ZNF678: variants seen among roughly 807,000 people sequenced by gnomAD.
ZNF678 encodes the protein zinc finger protein 678, also known as hypothetical protein MGC42493.
ZNF678 carries 5 observed loss-of-function variants against 3.0 expected under a neutral mutation model. The ratio of observed to expected loss-of-function variants is 1.69; its 90% CI spans 0.88 to 3.56. The LOEUF is 3.56. ZNF678 is among the 30% of genes most tolerant of loss of function. ZNF678 has a pLI of 0.00. For synonymous variants in ZNF678, 218 were observed against 199.6 expected (o/e 1.09, Z -0.78); for missense variants, 593 against 605.0 (o/e 0.98, Z 0.21).
At chr1:227,646,277 T>C (rs900836668) in intron 1 of ZNF678, among the ~76,000 whole-genome samples, 5 of 152,252 alleles carry the variant, frequency 3.3e-5, no homozygotes, top group Admixed American at 6.5e-5. Flanking sequence ...AATATAGCTG[T>C]CCAATATGTA....
chr1:227,670,766 CT>C (rs952350463), intron 5 of ZNF678, among the ~76,000 whole-genome samples: 1 of 152,208 alleles, frequency 6.6e-6, no homozygotes, highest in African/African-American at 2.4e-5. Flanking sequence ...CTGCCCTAGT[CT>C]TTCAGGTTCC....
intron 1 of ZNF678, among the ~76,000 whole-genome samples, chr1:227,627,444 T>C (rs1456124132): frequency 1.3e-5 from 2 of 151,866 alleles, no homozygotes; most frequent in Non-Finnish European, 2.9e-5. Context: ...CTTGCAGCTC[T>C]TTTGGCTTCA....
chr1:227,614,372 C>T (rs997050831), intron 1 of ZNF678, among the ~76,000 whole-genome samples: 40 of 152,324 alleles, frequency 2.6e-4, no homozygotes, highest in African/African-American at 8.2e-4. Context: ...TGTCTTTCCT[C>T]GTATTAAATG....
At chr1:227,625,626 G>C (rs3010187) in intron 1 of ZNF678, among the ~76,000 whole-genome samples, 80 of 152,252 alleles carry the variant, frequency 5.3e-4, no homozygotes, top group African/African-American at 1.8e-3. Flanking sequence ...GTAGGGTTTC[G>C]GGCCAAGGCT....
Position 227,656,089 on chromosome 1 carries a change from C to T in ZNF678, c.*261C>T. On this transcript the variant is annotated 3_prime_UTR_variant, in exon 4 of 4. Coordinates refer to ENST00000343776, the MANE Select transcript of ZNF678 (RefSeq NM_001367909.1). ...AGAGGATTTTACGGGGGCAAAAAAC[C>T]TCCTACAAATGTGGAAAAACATTTT... is the stretch of plus-strand genomic sequence containing the variant. 3.6e-6 allele frequency: 1 copy of T among 278,988 alleles called. No homozygotes were observed. The allele number at this position is 278,988 out of a possible 1,614,324, so 17.3% of individuals were successfully genotyped here.
At chr1:227,637,957 G>A (rs1462905228) in intron 1 of ZNF678, among the ~76,000 whole-genome samples, 2 of 152,134 alleles carry the variant, frequency 1.3e-5, no homozygotes, top group Non-Finnish European at 2.9e-5. Context: ...GTTCTGTCAA[G>A]AAGTTTAAAA....
At chr1:227,572,234 G>T (rs1656864556) in intron 1 of ZNF678, among the ~76,000 whole-genome samples, 1 of 152,288 alleles carries the variant, frequency 6.6e-6, no homozygotes, top group Non-Finnish European at 1.5e-5. Flanking sequence ...ATCCAAAGGT[G>T]ATGGCTTAGA....
chr1:227,639,304 C>A (rs1658759307), intron 1 of ZNF678, among the ~76,000 whole-genome samples: 1 of 152,198 alleles, frequency 6.6e-6, no homozygotes, highest in African/African-American at 2.4e-5. Context: ...CAGCAGGGGG[C>A]CCCTGATGGC....
intron 1 of ZNF678, among the ~76,000 whole-genome samples, chr1:227,585,400 A>G (rs1214805322): frequency 3.3e-5 from 5 of 152,242 alleles, no homozygotes; most frequent in Non-Finnish European, 7.3e-5. Flanking sequence ...AAGTGAATAT[A>G]TAAATTAATT....
At position 227,648,040 on chromosome 1, in the gene ZNF678, T is replaced by C. The variant is rs188517505; in HGVS notation, c.-37+1370T>C. 4.6e-5 allele frequency among the ~76,000 whole-genome samples: 7 copies of C among 152,244 alleles called. No homozygotes were observed. The East Asian group carries it at 5.8e-4, about 13-fold the overall frequency. On this transcript the variant is annotated intron_variant, in intron 2 of 3. Coordinates refer to ENST00000343776, the MANE Select transcript of ZNF678 (RefSeq NM_001367909.1). ...AGTGATTTTATCAGAACACTAAATA[T>C]AAGAAAATCTAAACTTATTTTACTT...
chr1:227,666,946 A>G (rs1353832628), downstream of ZNF678, among the ~76,000 whole-genome samples: 1 of 151,068 alleles, frequency 6.6e-6, no homozygotes, highest in Non-Finnish European at 1.5e-5. Flanking sequence ...GGGTTTCACC[A>G]TATTGGTCAG....
chr1:227,645,426 A>C (rs767670966), intron 1 of ZNF678, among the ~76,000 whole-genome samples: 5 of 152,084 alleles, frequency 3.3e-5, no homozygotes, highest in African/African-American at 7.3e-5. Flanking sequence ...CTGCCTAATA[A>C]ATTTATTTCA....
intron 1 of ZNF678, among the ~76,000 whole-genome samples, chr1:227,629,813 A>G (rs1180279369): frequency 6.6e-6 from 1 of 152,044 alleles, no homozygotes; most frequent in Non-Finnish European, 1.5e-5. Flanking sequence ...TTTTATTCGG[A>G]CAATCTTTTT....
At chr1:227,596,512 G>A (rs187741424) in intron 1 of ZNF678, among the ~76,000 whole-genome samples, 11 of 152,294 alleles carry the variant, frequency 7.2e-5, no homozygotes, top group Admixed American at 2.6e-4. Flanking sequence ...TGGGTCAGGT[G>A]TCTATCTTTA....
rs184034978 is a variant in ZNF678 at position 227,575,693 on chromosome 1, G to T, written c.-164+11969G>T. 4.6e-3 allele frequency among the ~76,000 whole-genome samples: 705 copies of T among 152,258 alleles called. 6 individuals carry two copies. The highest frequency in any genetic ancestry group is 0.016 in the African/African-American group (676 of 41,542). ...ATAAGATCATGTCATCTGCAAACAG[G>T]TATAGTTTGACTTCCTGTCTTCCTA... is the stretch of plus-strand genomic sequence containing the variant. On this transcript the variant is annotated intron_variant, in intron 1 of 3. Transcript: ENST00000343776.
Position 227,619,886 on chromosome 1 carries a change from G to A in ZNF678, c.-163-26658G>A, listed in dbSNP as rs114712758. Among the ~76,000 whole-genome samples the A allele has an allele frequency of 6.7e-3, 1,015 of 152,252 alleles. 9 individuals are homozygous for A. The highest frequency in any genetic ancestry group is 0.023 in the African/African-American group (970 of 41,558). On this transcript the variant is annotated intron_variant, in intron 1 of 3. Coordinates refer to ENST00000343776, the MANE Select transcript of ZNF678 (RefSeq NM_001367909.1). ...AAGCATTCCAATAATGGAACACTAC[G>A]CATAAATAAGCTAAAATCTTAGACA...
intron 1 of ZNF678, among the ~76,000 whole-genome samples, chr1:227,621,057 G>C (rs1395208441): frequency 6.6e-6 from 1 of 152,110 alleles, no homozygotes; most frequent in Non-Finnish European, 1.5e-5. Context: ...TTTGAGACCA[G>C]TCTGGGCACC....
At chr1:227,588,717 C>A (rs900724221) in intron 1 of ZNF678, among the ~76,000 whole-genome samples, 2 of 152,006 alleles carry the variant, frequency 1.3e-5, no homozygotes, top group African/African-American at 2.4e-5. Flanking sequence ...GTTGGCCAGG[C>A]TGGTCTTGAA....
At position 227,613,070 on chromosome 1, in the gene ZNF678, G is replaced by A. The variant is rs75153493; in HGVS notation, c.-163-33474G>A. ...CTTTAATACCAGCAGACAGCGATGG[G>A]CTAAGTGAAAGTATGAATGGGCTGA... On this transcript the variant is annotated intron_variant, in intron 1 of 3. Coordinates refer to ENST00000343776, the MANE Select transcript of ZNF678 (RefSeq NM_001367909.1). Among the ~76,000 whole-genome samples, 697 of 152,242 alleles carry A rather than the reference G, an allele frequency of 4.6e-3. 19 individuals carry two copies. In the South Asian group the frequency reaches 0.057, roughly 12 times the overall value.
Sources: allele counts gnomAD v4.1 joint callset (sites outside exome capture counted in the v4.1 genomes callset), GRCh38; gene constraint gnomAD v4.1.1; transcripts MANE v1.5; gene names NCBI Gene and HGNC (gene_info 2026-07-23, HGNC 2026-07-21).